The following PCDHA11 variants were observed in gnomAD, a reference collection of about 807,000 sequenced individuals.
PCDHA11 encodes protocadherin alpha-11.
Under a neutral mutation model 70.3 loss-of-function variants are expected in PCDHA11, and 61 were observed. The observed-to-expected ratio is 0.87, with a 90% confidence interval of 0.71 to 1.07. The LOEUF (loss-of-function observed/expected upper bound fraction) is 1.07. Among genes scored for constraint, PCDHA11 ranks in the 50% least tolerant of loss-of-function variants. PCDHA11 has a pLI of 0.00. For synonymous variants in PCDHA11, 633 were observed against 555.1 expected (o/e 1.14, Z -1.97); for missense variants, 1,324 against 1,237.5 (o/e 1.07, Z -1.05).
Position 140,870,758 on chromosome 5 carries a change from T to C in PCDHA11, c.1655T>C (p.Val552Ala). ...PPLSSNVTLQ[V>A]FVLDENDNAP... ...CTGAGCAGCAACGTGACGCTGCAGG[T>C]GTTCGTGCTGGACGAGAACGACAAC... The change falls in exon 1 of 4, where the codon GTG becomes GCG. Residue 552 changes from valine (V) to alanine (A), a missense_variant. Val to Ala is a moderately conservative substitution (Grantham distance 64). Transcript: ENST00000398640. The C allele has an allele frequency of 1.2e-6, 2 of 1,613,530 alleles. No individual in the cohort carries two copies. Among genetic ancestry groups the C allele is most frequent in the African/African-American group, 2.7e-5 (2 of 75,044 alleles).
chr5:140,978,444 T>G (rs2096802589), intron 1 of PCDHA11, among the ~76,000 whole-genome samples: 1 of 152,248 alleles, frequency 6.6e-6, no homozygotes, highest in Non-Finnish European at 1.5e-5. Context: ...GTGTTATGAC[T>G]GGGCACATCC....
chr5:140,869,254 G>C lies in PCDHA11; in HGVS notation c.151G>C (p.Asp51His), dbSNP rs2050982255. ...HGTFVGRIAQ[D>H]LGLELAELVQ... ...CACCTTCGTGGGCCGCATCGCGCAG[G>C]ACCTGGGGCTGGAGCTGGCGGAGCT... The change falls in exon 1 of 4, where the codon GAC becomes CAC. Residue 51 changes from aspartate to histidine, a missense_variant. By Grantham distance (81) the Asp-to-His change is moderately conservative. Transcript: ENST00000398640. 1 of 1,613,494 alleles carries C rather than the reference G, an allele frequency of 6.2e-7. No homozygotes were observed. Among genetic ancestry groups the C allele is most frequent in the African/African-American group, 1.3e-5 (1 of 74,926 alleles).
chr5:140,942,701 G>T (rs2093357342), intron 1 of PCDHA11, among the ~76,000 whole-genome samples: 1 of 152,080 alleles, frequency 6.6e-6, no homozygotes, highest in Non-Finnish European at 1.5e-5. Flanking sequence ...TGAGAAATAT[G>T]AAGTAAAAGT....
At chr5:140,904,949 T>A (rs2071498656) in intron 1 of PCDHA11, among the ~76,000 whole-genome samples, 1 of 152,228 alleles carries the variant, frequency 6.6e-6, no homozygotes, top group South Asian at 2.1e-4. Flanking sequence ...TAGTCCTTTG[T>A]CTGATGCAGA....
chr5:140,966,190 C>G (rs1251814900), intron 1 of PCDHA11: 1 of 203,228 alleles, frequency 4.9e-6, no homozygotes, highest in Non-Finnish European at 9.7e-6. Context: ...AGCCAGACTT[C>G]TAGGGGCTTG....
At chr5:140,914,360 T>C (rs782101976) in intron 1 of PCDHA11, among the ~76,000 whole-genome samples, 10 of 152,218 alleles carry the variant, frequency 6.6e-5, no homozygotes, top group Non-Finnish European at 1.5e-4. Context: ...GTTTTTGTCT[T>C]GAGATCTATT....
intron 1 of PCDHA11, chr5:140,968,796 C>G (rs2096270881): frequency 6.2e-7 from 1 of 1,614,220 alleles, no homozygotes; most frequent in East Asian, 2.2e-5. Context: ...GTGGCCATTA[C>G]AGTAGCTGTG....
At chr5:140,942,260 T>TA (rs2093256424) in intron 1 of PCDHA11, among the ~76,000 whole-genome samples, 1 of 152,086 alleles carries the variant, frequency 6.6e-6, no homozygotes, top group African/African-American at 2.4e-5. Flanking sequence ...AAAAGATATC[T>TA]AAAGCTGGTA....
In PCDHA11 at chr5:140,870,826, G is replaced by T. The variant is rs781804523; in HGVS notation, c.1723G>T (p.Ala575Ser). The T allele has an allele frequency of 9.9e-6, 16 of 1,613,638 alleles. No homozygotes were observed. The highest frequency in any genetic ancestry group is 1.3e-5 in the Non-Finnish European group (15 of 1,179,906). The change falls in exon 1 of 4, where the codon GCA becomes TCA. Residue 575 changes from alanine (A) to serine (S), a missense_variant. Transcript: ENST00000398640. ...GACTCAGGCTGGCAGCGCGGGAGGCGCAGTTAACAAGCTAGTACCGCGGTC... is the reference window on the plus strand; with the variant it reads ...GACTCAGGCTGGCAGCGCGGGAGGCTCAGTTAACAAGCTAGTACCGCGGTC... ...LATQAGSAGG[A>S]VNKLVPRSVG...
chr5:140,870,482 C>T lies in PCDHA11; in HGVS notation c.1379C>T (p.Thr460Ile). ...CCTGCGTTCGCACAGCCCGAGTACA[C>T]CGTGTTCGTGAAGGAGAACAACCCA... ...NAPAFAQPEY[T>I]VFVKENNPPG... Residue 460 changes from threonine (T) to isoleucine (I), a missense_variant, in exon 1 of 4, where the codon ACC becomes ATC. By Grantham distance (89) the Thr-to-Ile change is moderately conservative. Coordinates refer to ENST00000398640, the MANE Select transcript of PCDHA11 (RefSeq NM_018902.5). The T allele has an allele frequency of 6.2e-7, 1 of 1,614,244 alleles. No homozygotes were observed. The highest frequency in any genetic ancestry group is 1.1e-5 in the South Asian group (1 of 91,092).
chr5:140,884,839 G>T, intron 1 of PCDHA11: 1 of 893,290 alleles, frequency 1.1e-6, no homozygotes, highest in Non-Finnish European at 1.6e-6. Context: ...TTATCCTTCA[G>T]AGTGAAATCT....
intron 1 of PCDHA11, among the ~76,000 whole-genome samples, chr5:140,902,277 A>G (rs1257357376): frequency 1.3e-5 from 2 of 149,170 alleles, no homozygotes; most frequent in African/African-American, 5.0e-5. Flanking sequence ...GGCTCAAGCA[A>G]TCCTCCTGCC....
At chr5:140,919,404 T>C (rs1554199054) in intron 1 of PCDHA11, among the ~76,000 whole-genome samples, 1 of 152,218 alleles carries the variant, frequency 6.6e-6, no homozygotes, top group African/African-American at 2.4e-5. Context: ...TCCTAAAAAC[T>C]CTAGACTGAC....
chr5:140,869,798 T>G lies in PCDHA11; in HGVS notation c.695T>G (p.Val232Gly). 6.2e-7 allele frequency: 1 copy of G among 1,612,730 alleles called. No individual in the cohort carries two copies. The highest frequency in any genetic ancestry group is 8.5e-7 in the Non-Finnish European group (1 of 1,179,440). The part of the protein sequence containing the change: ...LTGTVRLLVQ[V>G]LDVNDNDPEF... ...GGCACCGTTCGGCTGTTAGTCCAAG[T>G]CTTGGATGTCAACGACAATGATCCA... Residue 232 changes from valine to glycine, a missense_variant, in exon 1 of 4, where the codon GTC becomes GGC. Coordinates refer to ENST00000398640, the MANE Select transcript of PCDHA11 (RefSeq NM_018902.5).
At chr5:140,979,912 G>C (rs1554241237) in intron 2 of PCDHA11, among the ~76,000 whole-genome samples, 2 of 152,248 alleles carry the variant, frequency 1.3e-5, no homozygotes, top group South Asian at 2.1e-4. Flanking sequence ...AGTTCGTAAA[G>C]AGAAAGCCTA....
chr5:140,966,786 G>A (rs1554228650), intron 1 of PCDHA11: 2 of 1,526,000 alleles, frequency 1.3e-6, no homozygotes, highest in Admixed American at 1.9e-5. Context: ...GCGGGCACCA[G>A]ACCTGCGGCG....
intron 1 of PCDHA11, among the ~76,000 whole-genome samples, chr5:140,971,297 T>C (rs1246980755): frequency 4.6e-5 from 7 of 152,222 alleles, no homozygotes; most frequent in Non-Finnish European, 1.0e-4. Context: ...TGTACTTTGG[T>C]ACACAAACAT....
At chr5:140,875,474 T>A in intron 1 of PCDHA11, 2 of 1,606,582 alleles carry the variant, frequency 1.2e-6, no homozygotes, top group Non-Finnish European at 1.7e-6. Flanking sequence ...TTTTCTGCAA[T>A]GGTGATTATC....
At chr5:140,888,321 A>G (rs2061786627) in intron 1 of PCDHA11, among the ~76,000 whole-genome samples, 1 of 152,176 alleles carries the variant, frequency 6.6e-6, no homozygotes, top group Non-Finnish European at 1.5e-5. Flanking sequence ...ATGCCTGGAT[A>G]CATTTTTGGT....
Sources: allele counts gnomAD v4.1 joint callset (sites outside exome capture counted in the v4.1 genomes callset), GRCh38; gene constraint gnomAD v4.1.1; transcripts MANE v1.5; gene names NCBI Gene and HGNC (gene_info 2026-07-23, HGNC 2026-07-21).